The following NRIP1 variants were observed in gnomAD, a reference collection of about 807,000 sequenced individuals.
NRIP1 encodes the protein nuclear receptor-interacting protein 1.
A neutral mutation model predicts 75.0 loss-of-function variants in NRIP1; 28 were observed. The ratio of observed to expected loss-of-function variants is 0.37; its 90% CI spans 0.28 to 0.51. The LOEUF (loss-of-function observed/expected upper bound fraction) is 0.51. NRIP1 is among the 20% of genes least tolerant of loss of function. The pLI, the probability that NRIP1 is intolerant of heterozygous loss-of-function variation, is 0.92. For synonymous variants in NRIP1, 526 were observed against 487.6 expected (o/e 1.08, Z -1.04); for missense variants, 1,435 against 1,343.7 (o/e 1.07, Z -1.06).
chr21:15,022,538 TTAAAA>T (rs1204528690), intron 2 of NRIP1, among the ~76,000 whole-genome samples: 4 of 152,196 alleles, frequency 2.6e-5, no homozygotes, highest in African/African-American at 9.6e-5. Flanking sequence ...ACCCCAGAAC[TTAAAA>T]TAAAAGTTGA....
chr21:14,984,966 G>A (rs549650252), intron 3 of NRIP1, among the ~76,000 whole-genome samples: 3 of 151,752 alleles, frequency 2.0e-5, no homozygotes, highest in Non-Finnish European at 2.9e-5. Context: ...CTACAGTATA[G>A]TGTAAACGTA....
intron 1 of NRIP1, among the ~76,000 whole-genome samples, chr21:15,045,966 T>C (rs1048646867): frequency 1.3e-5 from 2 of 152,154 alleles, no homozygotes; most frequent in Non-Finnish European, 2.9e-5. Context: ...CTTCTAATTC[T>C]AGTTTTCTTG....
At chr21:15,035,211 C>T (rs538906286) in intron 2 of NRIP1, among the ~76,000 whole-genome samples, 1 of 152,132 alleles carries the variant, frequency 6.6e-6, no homozygotes, top group Non-Finnish European at 1.5e-5. Flanking sequence ...GAAATATACC[C>T]TTTGTTTTAA....
chr21:14,984,750 A>G (rs1006135336), intron 3 of NRIP1, among the ~76,000 whole-genome samples: 4 of 152,206 alleles, frequency 2.6e-5, no homozygotes, highest in African/African-American at 9.7e-5. Context: ...TCTTATTTTA[A>G]GAAATCATTA....
At chr21:15,028,677 C>T (rs1176159065) in intron 2 of NRIP1, among the ~76,000 whole-genome samples, 1 of 152,068 alleles carries the variant, frequency 6.6e-6, no homozygotes, top group Non-Finnish European at 1.5e-5. Context: ...AAATTACTTC[C>T]AGTGTTTCCC....
intron 3 of NRIP1, chr21:14,991,222 A>G (rs1030397351): frequency 6.6e-6 from 1 of 151,178 alleles, no homozygotes; most frequent in African/African-American, 2.4e-5. Flanking sequence ...GTATCATGTA[A>G]CATGCCTCTT....
intron 3 of NRIP1, among the ~76,000 whole-genome samples, chr21:14,986,396 G>A (rs536079898): frequency 3.9e-5 from 6 of 152,230 alleles, no homozygotes; most frequent in Admixed American, 1.3e-4. Flanking sequence ...TCATTGCCAC[G>A]GCTTTCAACT....
At chr21:14,994,496 T>C (rs1461265648) in intron 3 of NRIP1, among the ~76,000 whole-genome samples, 1 of 152,216 alleles carries the variant, frequency 6.6e-6, no homozygotes, top group Non-Finnish European at 1.5e-5. Flanking sequence ...AATAAAACTA[T>C]TAGCTTACTG....
At chr21:14,981,926 AG>A (rs546732939) in intron 3 of NRIP1, among the ~76,000 whole-genome samples, 315 of 149,010 alleles carry the variant, frequency 2.1e-3, no homozygotes, top group African/African-American at 7.6e-3. Flanking sequence ...ATCTCAGCTC[AG>A]CACAACCTCC....
intron 3 of NRIP1, among the ~76,000 whole-genome samples, chr21:14,975,461 A>G (rs967604673): frequency 2.0e-5 from 3 of 151,882 alleles, no homozygotes; most frequent in African/African-American, 4.8e-5. Flanking sequence ...CTCTAAGAAA[A>G]CTGAAGATGG....
chr21:15,041,406 T>C (rs1011425758), intron 2 of NRIP1, among the ~76,000 whole-genome samples: 8 of 152,138 alleles, frequency 5.3e-5, no homozygotes, highest in African/African-American at 1.2e-4. Flanking sequence ...AGACTATACT[T>C]ACATAAACAA....
At chr21:15,039,596 G>A (rs1444747142) in intron 2 of NRIP1, among the ~76,000 whole-genome samples, 7 of 152,146 alleles carry the variant, frequency 4.6e-5, no homozygotes, top group Non-Finnish European at 1.0e-4. Context: ...TAAGTAATGA[G>A]AAGTCATAGG....
At chr21:15,050,250 A>G (rs1335804676) in intron 1 of NRIP1, 1 of 166,162 alleles carries the variant, frequency 6.0e-6, no homozygotes, top group Non-Finnish European at 1.3e-5. Context: ...GAACCTTCCA[A>G]TGTGTTTCCA....
intron 2 of NRIP1, among the ~76,000 whole-genome samples, chr21:15,028,659 T>G (rs1182618920): frequency 2.0e-5 from 3 of 152,214 alleles, no homozygotes; most frequent in African/African-American, 7.2e-5. Context: ...TTGAATACTC[T>G]TATTTTAAAA....
intron 2 of NRIP1, among the ~76,000 whole-genome samples, chr21:15,021,940 G>A (rs1032230281): frequency 6.6e-6 from 1 of 152,174 alleles, no homozygotes; most frequent in Non-Finnish European, 1.5e-5. Flanking sequence ...TACATTGCTG[G>A]TGGGAGTGTA....
chr21:15,021,279 A>C (rs1453874366), intron 2 of NRIP1, among the ~76,000 whole-genome samples: 1 of 152,254 alleles, frequency 6.6e-6, no homozygotes, highest in Non-Finnish European at 1.5e-5. Context: ...GAAAGAAGCT[A>C]AATACGAAAG....
rs575974102 is a variant in NRIP1, at chr21:15,019,560, C to A, written c.-457-5094G>T. 2.4e-4 allele frequency among the ~76,000 whole-genome samples: 30 copies of A among 126,470 alleles called. 1 individual carries two copies. The South Asian group carries it at 8.3e-3, about 35-fold the overall frequency. 83.0% of individuals were successfully genotyped at this position (126,470 alleles called of 152,430 possible). Reference sequence around the variant, plus strand: ...CTGGAGTGCAATGATGCAGTCTTGGCTCACTGCAACCTCTGCCTCCCAGGT... The same window carrying A: ...CTGGAGTGCAATGATGCAGTCTTGGATCACTGCAACCTCTGCCTCCCAGGT... On this transcript the variant is annotated intron_variant, in intron 2 of 3. Transcript: ENST00000318948.
At chr21:15,029,878 G>C (rs1568991898) in intron 2 of NRIP1, among the ~76,000 whole-genome samples, 1 of 152,142 alleles carries the variant, frequency 6.6e-6, no homozygotes, top group Non-Finnish European at 1.5e-5. Context: ...GATCTCACCA[G>C]AGAGTCTGCA....
intron 3 of NRIP1, among the ~76,000 whole-genome samples, chr21:14,976,601 A>G (rs1336602803): frequency 2.6e-5 from 4 of 152,286 alleles, no homozygotes; most frequent in East Asian, 3.9e-4. Context: ...TTTCATTGCA[A>G]TATGTTTTAC....
Sources: gnomAD v4.1 joint callset for allele counts (sites outside exome capture counted in the v4.1 genomes callset) on GRCh38, gnomAD v4.1.1 for gene constraint, MANE v1.5 for transcripts, NCBI Gene and HGNC (gene_info 2026-07-23, HGNC 2026-07-21) for gene names.